SGK1: variants seen among roughly 807,000 people sequenced by gnomAD.
SGK1 encodes the protein serine/threonine-protein kinase Sgk1.
In SGK1, 26 loss-of-function variants were observed where a neutral mutation model predicts 64.2. The ratio of observed to expected loss-of-function variants is 0.40; its 90% CI spans 0.30 to 0.56. The LOEUF is 0.56. Among genes scored for constraint, SGK1 ranks in the 20% least tolerant of loss-of-function variants. SGK1 has a pLI of 0.38. For synonymous variants in SGK1, 265 were observed against 239.7 expected, an observed-to-expected ratio of 1.11 and a Z score of -0.98; for missense variants, 519 against 645.6, an observed-to-expected ratio of 0.80 and a Z score of 2.12.
intron 2 of SGK1, among the ~76,000 whole-genome samples, chr6:134,213,163 T>C (rs1015646311): frequency 2.6e-5 from 4 of 152,208 alleles, no homozygotes; most frequent in Admixed American, 1.3e-4. Context: ...TGCAACTGTT[T>C]ACAGGCAATG....
intron 1 of SGK1, among the ~76,000 whole-genome samples, chr6:134,306,417 C>T (rs901395779): frequency 6.6e-6 from 1 of 151,188 alleles, no homozygotes; most frequent in African/African-American, 2.4e-5. Flanking sequence ...AGTGAGACTC[C>T]GTTTCAAAAA....
At chr6:134,294,162 T>C (rs1459879682) in intron 1 of SGK1, among the ~76,000 whole-genome samples, 5 of 152,172 alleles carry the variant, frequency 3.3e-5, no homozygotes, top group Non-Finnish European at 7.4e-5. Context: ...CTACTCACCT[T>C]CCTGTCTTTA....
intron 2 of SGK1, among the ~76,000 whole-genome samples, chr6:134,251,379 A>G (rs1190928379): frequency 6.6e-6 from 1 of 152,216 alleles, no homozygotes; most frequent in African/African-American, 2.4e-5. Flanking sequence ...TTAGTGGAAA[A>G]TAGCCATATG....
chr6:134,265,633 C>T (rs1328839985), intron 1 of SGK1, among the ~76,000 whole-genome samples: 11 of 127,780 alleles, frequency 8.6e-5, no homozygotes, highest in Middle Eastern at 4.3e-3. Context: ...TATATATATA[C>T]ATATATATAT....
chr6:134,265,009 A>G (rs1776828951), intron 1 of SGK1, among the ~76,000 whole-genome samples: 1 of 152,256 alleles, frequency 6.6e-6, no homozygotes, highest in Non-Finnish European at 1.5e-5. Context: ...ATAATGTTTA[A>G]GCAATTTATT....
At chr6:134,221,845 G>T (rs563378493) in intron 2 of SGK1, among the ~76,000 whole-genome samples, 1 of 151,994 alleles carries the variant, frequency 6.6e-6, no homozygotes, top group East Asian at 1.9e-4. Context: ...TAGAGACAGG[G>T]TTTCACCATG....
intron 2 of SGK1, among the ~76,000 whole-genome samples, chr6:134,227,252 A>T (rs1195211078): frequency 6.6e-6 from 1 of 152,192 alleles, no homozygotes; most frequent in Non-Finnish European, 1.5e-5. Flanking sequence ...CTCCTGCCTC[A>T]GCCTCCTGAG....
chr6:134,289,464 C>A (rs1777231246), intron 1 of SGK1, among the ~76,000 whole-genome samples: 1 of 152,022 alleles, frequency 6.6e-6, no homozygotes, highest in Non-Finnish European at 1.5e-5. Context: ...TGTAAATGTT[C>A]TAATGGACAC....
chr6:134,301,623 C>T (rs1251608543), intron 1 of SGK1, among the ~76,000 whole-genome samples: 1 of 151,346 alleles, frequency 6.6e-6, no homozygotes, highest in East Asian at 1.9e-4. Context: ...CAGGGTCTTA[C>T]TCTGTTGTCC....
At chr6:134,174,477 T>C (rs1300862547) in intron 4 of SGK1, 34 bp downstream of exon 4, 9 of 1,514,672 alleles carry the variant, frequency 5.9e-6, no homozygotes, top group South Asian at 2.3e-5. Context: ...ATTCAAACTA[T>C]ACTAGTTATT....
rs1382613385 is a variant in SGK1, at chr6:134,225,022, AAG to A, written c.286-17593_286-17592del. Among the ~76,000 whole-genome samples, 3 of 146,256 alleles carry A rather than the reference AAG, an allele frequency of 2.1e-5. 1 individual carries two copies. Among genetic ancestry groups the A allele is most frequent in the Non-Finnish European group, 3.1e-5 (2 of 65,372 alleles). On this transcript the variant is annotated intron_variant, in intron 2 of 13. Coordinates refer to ENST00000367858, the MANE Select transcript of SGK1 (RefSeq NM_001143676.3). ...AGACTCCATCTCAAAAAAAAAAAAA[AAG>A]AAAAAAGAAAGAAATCTTATAATAT...
chr6:134,214,652 AAC>A (rs1309720293), intron 2 of SGK1, among the ~76,000 whole-genome samples: 1 of 27,140 alleles, frequency 3.7e-5, no homozygotes, highest in Non-Finnish European at 1.3e-4. Flanking sequence ...CATTCTGAAA[AAC>A]AGAATATGTG....
intron 6 of SGK1, 42 bp downstream of exon 6, chr6:134,173,420 C>A: frequency 6.3e-7 from 1 of 1,576,632 alleles, no homozygotes; most frequent in South Asian, 1.1e-5. Context: ...CAAAAGAGGA[C>A]ATGAAGGAAG....
At chr6:134,242,385 T>C (rs929698432) in intron 2 of SGK1, among the ~76,000 whole-genome samples, 6 of 151,616 alleles carry the variant, frequency 4.0e-5, no homozygotes, top group Non-Finnish European at 7.4e-5. Context: ...ACTCGGGAGG[T>C]TCAGGAAGGA....
Position 134,261,945 on chromosome 6 carries a change from T to C in SGK1, c.273A>G (p.Gln91=), listed in dbSNP as rs1273757483. The C allele has an allele frequency of 2.5e-5, 40 of 1,611,862 alleles. No homozygotes were observed. The Admixed American group carries it at 3.3e-4, about 13-fold the overall frequency. ...AACATGAACTTACTTCACACCCAGATTGAGTTTCCCATGAACATGACTCGT... is the reference window on the plus strand; with the variant it reads ...AACATGAACTTACTTCACACCCAGACTGAGTTTCCCATGAACATGACTCGT... ...QENESCSWET[Q]SGCEVREPCN... The change falls in exon 2 of 14, where the codon CAA becomes CAG. Residue 91 remains glutamine (Q), a synonymous_variant. Transcript: ENST00000367858.
intron 2 of SGK1, among the ~76,000 whole-genome samples, chr6:134,220,024 A>C (rs1776059729): frequency 8.4e-6 from 1 of 118,952 alleles, no homozygotes; most frequent in Non-Finnish European, 1.6e-5. Flanking sequence ...CCGCCACTGC[A>C]GTCCAGCCTG....
rs546636710 is a variant in SGK1 at position 134,264,341 on chromosome 6, G to C, written c.70-2193C>G. 2.3e-4 allele frequency among the ~76,000 whole-genome samples: 35 copies of C among 151,942 alleles called. 1 individual carries two copies. The highest frequency in any genetic ancestry group is 1.9e-3 in the East Asian group (10 of 5,152). ...TCATCGTGTTAGCCAGGATGGTCTC[G>C]ATCTCCTGACCTCATGATCCGCCCA... On this transcript the variant is annotated intron_variant, in intron 1 of 13. Coordinates refer to ENST00000367858, the MANE Select transcript of SGK1 (RefSeq NM_001143676.3).
intron 11 of SGK1, 183 bp downstream of exon 11, chr6:134,171,454 T>A: frequency 1.6e-6 from 1 of 615,128 alleles, no homozygotes; most frequent in Non-Finnish European, 2.9e-6. Flanking sequence ...TAGTAAAATG[T>A]GAAATGCACA....
chr6:134,252,288 T>C (rs1265277949), intron 2 of SGK1, among the ~76,000 whole-genome samples: 1 of 152,122 alleles, frequency 6.6e-6, no homozygotes, highest in Non-Finnish European at 1.5e-5. Context: ...ATTGGAAACA[T>C]GGAAGTACTC....
Sources: allele counts gnomAD v4.1 joint callset (sites outside exome capture counted in the v4.1 genomes callset), GRCh38; gene constraint gnomAD v4.1.1; transcripts MANE v1.5; gene names NCBI Gene and HGNC (gene_info 2026-07-23, HGNC 2026-07-21).